Variants in ARHGAP20 observed in about 807,000 individuals in gnomAD.
ARHGAP20 encodes Rho GTPase activating protein 20.
Under a neutral mutation model 73.7 loss-of-function variants are expected in ARHGAP20, and 34 were observed. The ratio of observed to expected loss-of-function variants is 0.46; its 90% CI spans 0.35 to 0.61. The LOEUF (loss-of-function observed/expected upper bound fraction) is 0.61. Ranked by LOEUF, ARHGAP20 falls within the 20% of genes least tolerant of loss-of-function variation. ARHGAP20 has a pLI of 0.00. For synonymous variants in ARHGAP20, 523 were observed against 518.2 expected (o/e 1.01, Z -0.13); for missense variants, 1,314 against 1,420.9 (o/e 0.92, Z 1.21).
intron 2 of ARHGAP20, among the ~76,000 whole-genome samples, chr11:110,631,800 T>C (rs768206072): frequency 3.9e-5 from 6 of 152,186 alleles, no homozygotes; most frequent in African/African-American, 1.2e-4. Flanking sequence ...CTGTACAGTA[T>C]GTTAAATCTT....
chr11:110,690,810 G>A (rs1950228543), intron 1 of ARHGAP20, among the ~76,000 whole-genome samples, 181 bp from the exon 2 acceptor site: 1 of 151,904 alleles, frequency 6.6e-6, no homozygotes, highest in Non-Finnish European at 1.5e-5. Context: ...AAAAAAAACA[G>A]GACAGTAAGT....
At chr11:110,690,463 A>C in intron 2 of ARHGAP20, 84 bp downstream of exon 2, 2 of 1,316,934 alleles carry the variant, frequency 1.5e-6, no homozygotes, top group Admixed American at 1.8e-5. Context: ...CTACACATTA[A>C]AGAATATGTG....
At chr11:110,712,086 T>TGCG (rs1326141164) in intron 1 of ARHGAP20, 41 bp downstream of exon 1, 14 of 1,262,828 alleles carry the variant, frequency 1.1e-5, no homozygotes, top group Admixed American at 8.4e-5. Flanking sequence ...CAGTGGGGGC[T>TGCG]GCGGCGGCGG....
intron 3 of ARHGAP20, among the ~76,000 whole-genome samples, chr11:110,628,263 C>T (rs569128653): frequency 5.3e-5 from 8 of 152,242 alleles, no homozygotes; most frequent in African/African-American, 1.9e-4. Context: ...GACTTAAGTG[C>T]TAATTTCAGA....
chr11:110,639,978 CTA>C (rs1047773695), intron 2 of ARHGAP20, among the ~76,000 whole-genome samples: 5 of 151,982 alleles, frequency 3.3e-5, no homozygotes, highest in South Asian at 4.1e-4. Flanking sequence ...TATGGTAATT[CTA>C]TGTTTAACTT....
Position 110,578,331 on chromosome 11 carries a change from T to C in ARHGAP20, c.*1039A>G, listed in dbSNP as rs1947341760. 2.0e-6 allele frequency: 2 copies of C among 985,316 alleles called. No homozygotes were observed. The highest frequency in any genetic ancestry group is 2.4e-6 in the Non-Finnish European group (2 of 829,936). The allele number at this position is 985,316 out of a possible 1,614,324, so 61.0% of individuals were successfully genotyped here. A position where few individuals can be genotyped will look rare whatever the true frequency, so the allele number is the denominator to read the frequency against. Reference sequence around the variant, plus strand: ...TCCTTATAACCGGCCAACCTCAATATTGCTCTCTCAATTGCCAAACTACAA... The same window carrying C: ...TCCTTATAACCGGCCAACCTCAATACTGCTCTCTCAATTGCCAAACTACAA... On this transcript the variant is annotated 3_prime_UTR_variant, in exon 15 of 15. Coordinates refer to ENST00000683387, the MANE Select transcript of ARHGAP20 (RefSeq NM_001384657.1).
At chr11:110,694,314 CATG>C (rs1950297062) in intron 1 of ARHGAP20, among the ~76,000 whole-genome samples, 1 of 151,728 alleles carries the variant, frequency 6.6e-6, no homozygotes, top group Admixed American at 6.6e-5. Flanking sequence ...GAAAGTATAA[CATG>C]AATACTAGAG....
chr11:110,597,241 T>C (rs1334541114), intron 9 of ARHGAP20, among the ~76,000 whole-genome samples: 1 of 149,778 alleles, frequency 6.7e-6, no homozygotes, highest in Non-Finnish European at 1.5e-5. Context: ...TATACATATG[T>C]AACAAGCCTG....
intron 2 of ARHGAP20, among the ~76,000 whole-genome samples, chr11:110,676,612 G>T (rs1949935171): frequency 6.6e-6 from 1 of 152,176 alleles, no homozygotes; most frequent in Non-Finnish European, 1.5e-5. Flanking sequence ...TTTAAGATGA[G>T]ATGTGGGTGG....
chr11:110,667,576 C>G (rs936305784), intron 2 of ARHGAP20, among the ~76,000 whole-genome samples: 4 of 152,174 alleles, frequency 2.6e-5, no homozygotes, highest in African/African-American at 9.7e-5. Context: ...AATATCCACT[C>G]TGGCAGTGCA....
Position 110,577,536 on chromosome 11 carries a change from T to C in ARHGAP20, c.*1834A>G. 1.0e-6 allele frequency: 1 copy of C among 993,438 alleles called. No individual in the cohort carries two copies. The highest frequency in any genetic ancestry group is 1.2e-6 in the Non-Finnish European group (1 of 835,474). 61.5% of individuals were successfully genotyped at this position (993,438 alleles called of 1,614,324 possible). On this transcript the variant is annotated 3_prime_UTR_variant, in exon 15 of 15. Transcript: ENST00000683387. ...CAAGCCGTTAAGAGCTTCATTCACA[T>C]CTTGCAGTTCTGACTGACAGTAGTA...
At chr11:110,645,873 A>G (rs1458226575) in intron 2 of ARHGAP20, among the ~76,000 whole-genome samples, 1 of 152,176 alleles carries the variant, frequency 6.6e-6, no homozygotes, top group African/African-American at 2.4e-5. Context: ...GAAACTGAAA[A>G]CCAAATACTC....
intron 2 of ARHGAP20, among the ~76,000 whole-genome samples, chr11:110,643,776 T>G (rs369779998): frequency 6.6e-6 from 1 of 152,070 alleles, no homozygotes; most frequent in African/African-American, 2.4e-5. Flanking sequence ...TTAGGTCTAA[T>G]GGGTCAAGTG....
At chr11:110,694,065 C>T (rs1697999372) in intron 1 of ARHGAP20, among the ~76,000 whole-genome samples, 1 of 151,770 alleles carries the variant, frequency 6.6e-6, no homozygotes. Flanking sequence ...TAATTAATTG[C>T]ATTAATCTTT....
chr11:110,680,493 G>A (rs1372373423), intron 2 of ARHGAP20, among the ~76,000 whole-genome samples: 2 of 152,050 alleles, frequency 1.3e-5, no homozygotes, highest in Non-Finnish European at 1.5e-5. Context: ...GGATGTCGTA[G>A]GACAGACTGC....
At chr11:110,658,039 G>A (rs1255086655) in intron 2 of ARHGAP20, among the ~76,000 whole-genome samples, 1 of 152,114 alleles carries the variant, frequency 6.6e-6, no homozygotes, top group Non-Finnish European at 1.5e-5. Context: ...AAATTTAAGA[G>A]TCAGACAGAC....
intron 2 of ARHGAP20, among the ~76,000 whole-genome samples, chr11:110,653,562 T>C (rs898450746): frequency 6.6e-6 from 1 of 152,034 alleles, no homozygotes; most frequent in South Asian, 2.1e-4. Flanking sequence ...TATTAAAAAG[T>C]CAAGAAACAA....
At chr11:110,702,230 T>C (rs1001740323) in intron 1 of ARHGAP20, among the ~76,000 whole-genome samples, 41 of 152,156 alleles carry the variant, frequency 2.7e-4, no homozygotes, top group African/African-American at 9.1e-4. Context: ...GCTGGTTCAA[T>C]ATACGCAAAT....
chr11:110,622,143 G>C (rs1948642963), intron 4 of ARHGAP20, among the ~76,000 whole-genome samples: 1 of 152,082 alleles, frequency 6.6e-6, no homozygotes, highest in Admixed American at 6.5e-5. Flanking sequence ...CTGTCCTCTG[G>C]TTCTTCAGCT....
Sources: allele counts gnomAD v4.1 joint callset (sites outside exome capture counted in the v4.1 genomes callset), GRCh38; gene constraint gnomAD v4.1.1; transcripts MANE v1.5; gene names NCBI Gene and HGNC (gene_info 2026-07-23, HGNC 2026-07-21).